TMCO6: variants seen among roughly 807,000 people sequenced by gnomAD.
TMCO6 encodes the protein transmembrane and coiled-coil domains 6.
In TMCO6, 47 loss-of-function variants were observed where a neutral mutation model predicts 61.8. That is an observed-to-expected ratio of 0.76 (90% CI 0.60 to 0.97). The LOEUF (loss-of-function observed/expected upper bound fraction) is 0.97. TMCO6 is among the 50% of genes least tolerant of loss of function. The pLI is 0.00. For missense variants in TMCO6, 557 were observed against 601.6 expected (o/e 0.93, Z 0.78); for synonymous variants, 261 against 254.2 (o/e 1.03, Z -0.25).
the TMCO6 span, among the ~76,000 whole-genome samples, chr5:140,606,553 G>A: frequency 6.6e-6 from 1 of 151,966 alleles, no homozygotes; most frequent in Non-Finnish European, 1.5e-5. Context: ...ACATAGTCAT[G>A]CACCACATAA....
the TMCO6 span, among the ~76,000 whole-genome samples, chr5:140,611,887 A>G: frequency 6.6e-6 from 1 of 152,178 alleles, no homozygotes; most frequent in Non-Finnish European, 1.5e-5. Context: ...AATGTCTTCC[A>G]TTACATGTGA....
chr5:140,646,035 G>C (rs1283744256), downstream of TMCO6, among the ~76,000 whole-genome samples: 1 of 147,178 alleles, frequency 6.8e-6, no homozygotes, highest in Non-Finnish European at 1.5e-5. Context: ...TTTTGAGACG[G>C]AGTCTCGCTC....
chr5:140,610,400 T>A, the TMCO6 span, among the ~76,000 whole-genome samples: 2 of 152,208 alleles, frequency 1.3e-5, no homozygotes, highest in Middle Eastern at 6.8e-3. Flanking sequence ...GGTCTCCTTG[T>A]GTTGCCTAGG....
the TMCO6 span, chr5:140,632,715 C>G: frequency 1.1e-5 from 18 of 1,613,578 alleles, no homozygotes; most frequent in African/African-American, 1.3e-5. This position sits in a 1 kb window ranked among gnomAD's most constrained non-coding sequence, Gnocchi z 6.2. Flanking sequence ...CCGCCGCACG[C>G]GGAGAGCCTT....
chr5:140,635,284 G>A (rs1756742705), upstream of TMCO6, among the ~76,000 whole-genome samples: 1 of 152,232 alleles, frequency 6.6e-6, no homozygotes, highest in Non-Finnish European at 1.5e-5. Context: ...CTGACTCAAA[G>A]TCAGATAGCC....
downstream of TMCO6, chr5:140,645,798 T>A (rs1227195143): frequency 6.7e-7 from 1 of 1,495,990 alleles, no homozygotes; most frequent in African/African-American, 1.4e-5. Context: ...TAAAGAGATA[T>A]GATCAAAATA....
At chr5:140,633,075 C>T in the TMCO6 span, 135 of 1,613,998 alleles carry the variant, frequency 8.4e-5, no homozygotes, top group Non-Finnish European at 1.1e-4. Context: ...TCACCATGGT[C>T]GATAAGTCTT....
At chr5:140,611,150 T>C in the TMCO6 span, among the ~76,000 whole-genome samples, 1 of 152,162 alleles carries the variant, frequency 6.6e-6, no homozygotes. Context: ...CACTCTCTCT[T>C]CCAGACTAAG....
At chr5:140,607,402 G>C in the TMCO6 span, among the ~76,000 whole-genome samples, 1 of 152,090 alleles carries the variant, frequency 6.6e-6, no homozygotes, top group South Asian at 2.1e-4. Context: ...ATAATATTCC[G>C]TTGTCTGTGT....
At chr5:140,612,718 C>A in the TMCO6 span, among the ~76,000 whole-genome samples, 1 of 152,222 alleles carries the variant, frequency 6.6e-6, no homozygotes, top group Non-Finnish European at 1.5e-5. Flanking sequence ...CCTGTCCCCA[C>A]ACTGCTGGAC....
At position 140,641,646 on chromosome 5, in the gene TMCO6, T is replaced by C; in HGVS notation, c.199-19T>C. 2 of 1,610,684 alleles carry C rather than the reference T, an allele frequency of 1.2e-6. No homozygotes were observed. Among genetic ancestry groups the C allele is most frequent in the African/African-American group, 1.3e-5 (1 of 74,984 alleles). On this transcript the variant is annotated intron_variant, in intron 2 of 11. Transcript: ENST00000394671. The stretch of plus-strand genomic sequence containing the variant: ...TTTCTGTGAACCGTGTGTTCTCCTT[T>C]CCCTGCCCTGAACTCCAGGTGCAGC...
upstream of TMCO6, among the ~76,000 whole-genome samples, chr5:140,637,370 T>C (rs1361937846): frequency 6.6e-6 from 1 of 152,194 alleles, no homozygotes; most frequent in Non-Finnish European, 1.5e-5. Context: ...AAAGATTTTA[T>C]CCTAAAAATT....
rs761014726 is a variant in TMCO6 at position 140,642,652 on chromosome 5, G to T, written c.670G>T (p.Ala224Ser). 3 of 1,614,106 alleles carry T rather than the reference G, an allele frequency of 1.9e-6. No individual in the cohort carries two copies. The African/African-American group carries it at 4.0e-5, about 22-fold the overall frequency. The change falls in exon 6 of 12, where the codon GCT becomes TCT. Residue 224 changes from alanine to serine, a missense_variant. Physicochemically the swap from Ala to Ser is moderately conservative, Grantham distance 99. Transcript: ENST00000394671. ...ALSQLLQAEE[A>S]PEKIIPSILA... ...GTCCCAGCTTCTACAGGCTGAGGAAGCTCCAGAGAAGATCATTCCGTGAGT... is the reference window on the plus strand; with the variant it reads ...GTCCCAGCTTCTACAGGCTGAGGAATCTCCAGAGAAGATCATTCCGTGAGT...
chr5:140,631,610 A>C, the TMCO6 span: 1 of 407,340 alleles, frequency 2.5e-6, no homozygotes, highest in African/African-American at 2.0e-5. Flanking sequence ...TGAGGAGGAC[A>C]GATAGGGTTT....
the TMCO6 span, among the ~76,000 whole-genome samples, chr5:140,615,824 G>C: frequency 6.6e-6 from 1 of 152,174 alleles, no homozygotes; most frequent in African/African-American, 2.4e-5. Flanking sequence ...AGAGCAAAAA[G>C]TATAAAACTC....
downstream of TMCO6, chr5:140,647,209 C>T (rs760667938): frequency 2.0e-5 from 30 of 1,516,972 alleles, no homozygotes; most frequent in Non-Finnish European, 2.6e-5. Context: ...CTTCTCAAAC[C>T]CTTGTTCCCC....
At chr5:140,617,731 CAA>C in the TMCO6 span, among the ~76,000 whole-genome samples, 80 of 119,178 alleles carry the variant, frequency 6.7e-4, no homozygotes, top group East Asian at 1.4e-3. Flanking sequence ...GAGTCTCTGT[CAA>C]AAAAAAAAAA....
chr5:140,631,042 T>C, the TMCO6 span, among the ~76,000 whole-genome samples: 1 of 152,132 alleles, frequency 6.6e-6, no homozygotes, highest in Non-Finnish European at 1.5e-5. Context: ...TTTTGAAGAG[T>C]CTGAGATGCT....
At chr5:140,596,905 C>A in the TMCO6 span, among the ~76,000 whole-genome samples, 11 of 152,208 alleles carry the variant, frequency 7.2e-5, no homozygotes, top group Non-Finnish European at 1.5e-4. Context: ...AGTAATAAAA[C>A]TACTTCATGT....
Sources: gnomAD v4.1 joint callset for allele counts (sites outside exome capture counted in the v4.1 genomes callset) on GRCh38, gnomAD v4.1.1 for gene constraint, Gnocchi (gnomAD v3.1) non-coding constraint, MANE v1.5 for transcripts, NCBI Gene and HGNC (gene_info 2026-07-23, HGNC 2026-07-21) for gene names.